SUGCT: variants seen among roughly 807,000 people sequenced by gnomAD.
SUGCT encodes succinyl-CoA:glutarate CoA-transferase.
Under a neutral mutation model 55.0 loss-of-function variants are expected in SUGCT, and 41 were observed. That is an observed-to-expected ratio of 0.74 (90% CI 0.58 to 0.97). The LOEUF is 0.97. Among genes scored for constraint, SUGCT ranks in the 50% least tolerant of loss-of-function variants. The pLI is 0.00. For synonymous variants in SUGCT, 187 were observed against 200.4 expected (o/e 0.93, Z 0.56); for missense variants, 568 against 547.8 (o/e 1.04, Z -0.37).
At chr7:40,979,762 T>TA in the SUGCT span, 2 of 152,152 alleles carry the variant, frequency 1.3e-5, 1 homozygote, top group South Asian at 4.2e-4. Context: ...TCTTATCCAT[T>TA]GGTATAAGGG....
intron 9 of SUGCT, among the ~76,000 whole-genome samples, chr7:40,410,843 T>C (rs1381601442): frequency 6.6e-6 from 1 of 152,190 alleles, no homozygotes; most frequent in Non-Finnish European, 1.5e-5. Flanking sequence ...TGTGAAGTGA[T>C]CTAGGCCAGT....
intron 12 of SUGCT, among the ~76,000 whole-genome samples, chr7:40,651,141 T>C (rs1800756852): frequency 6.6e-6 from 1 of 152,222 alleles, no homozygotes; most frequent in Non-Finnish European, 1.5e-5. Context: ...TTTGGGTTGA[T>C]TTCATGTCTT....
At chr7:40,335,065 A>T (rs1348588835) in intron 9 of SUGCT, among the ~76,000 whole-genome samples, 1 of 151,970 alleles carries the variant, frequency 6.6e-6, no homozygotes, top group Admixed American at 6.6e-5. Flanking sequence ...ATGGTTGTAG[A>T]TGTGTGGTAT....
rs557100731 is a variant in SUGCT, at chr7:40,181,003, G to T, written c.152+5G>T. 2 of 1,601,926 alleles carry T rather than the reference G, an allele frequency of 1.2e-6. No homozygotes were observed. On this transcript the variant is annotated splice_donor_5th_base_variant and intron_variant, in intron 2 of 13. Transcript: ENST00000335693. ...AAAAATTCTGGATCTAACAAGGTTTGTATTGGTTTATCTACATTTTGGTGA... is the reference window on the plus strand; with the variant it reads ...AAAAATTCTGGATCTAACAAGGTTTTTATTGGTTTATCTACATTTTGGTGA...
At chr7:40,302,186 GCCTTTGATATACATTCAACACTCTT>G (rs1440457644) in intron 8 of SUGCT, among the ~76,000 whole-genome samples, 6 of 152,126 alleles carry the variant, frequency 3.9e-5, no homozygotes, top group African/African-American at 1.4e-4. Flanking sequence ...TACTGATAAT[GCCTTTGATATACATTCAACACTCTT>G]CCTTCTAACA....
At chr7:40,950,688 G>A in the SUGCT span, among the ~76,000 whole-genome samples, 2 of 152,234 alleles carry the variant, frequency 1.3e-5, no homozygotes, top group Admixed American at 1.3e-4. Flanking sequence ...TTTCGTCAAA[G>A]GCCTTTTCTG....
chr7:40,420,764 G>T (rs1420944755), intron 9 of SUGCT, among the ~76,000 whole-genome samples: 1 of 151,830 alleles, frequency 6.6e-6, no homozygotes, highest in Non-Finnish European at 1.5e-5. Flanking sequence ...TCACTTGCCT[G>T]GACTACTGTA....
chr7:40,305,718 G>C (rs561359795), intron 8 of SUGCT, among the ~76,000 whole-genome samples: 52 of 152,034 alleles, frequency 3.4e-4, no homozygotes, highest in Non-Finnish European at 6.5e-4. Flanking sequence ...CTGGAGTGCA[G>C]TGGCATGATC....
chr7:40,518,781 A>G (rs185575688), intron 12 of SUGCT, among the ~76,000 whole-genome samples: 164 of 152,190 alleles, frequency 1.1e-3, no homozygotes, highest in Middle Eastern at 3.4e-3. Context: ...AAAAATATAT[A>G]GGAGCTAACC....
At chr7:40,854,514 C>CA (rs1794070833) in intron 13 of SUGCT, among the ~76,000 whole-genome samples, 1 of 135,818 alleles carries the variant, frequency 7.4e-6, no homozygotes, top group Non-Finnish European at 1.6e-5. Context: ...TGTCCATTGG[C>CA]TTCTATATTT....
At chr7:40,959,047 C>G in the SUGCT span, among the ~76,000 whole-genome samples, 50,604 of 152,094 alleles carry the variant, frequency 0.33, 9,150 homozygotes, top group Admixed American at 0.45. Flanking sequence ...AAGCTTCATC[C>G]CAGAGGGGCA....
At chr7:40,154,242 T>C (rs1190329089) in intron 1 of SUGCT, 1 of 158,274 alleles carries the variant, frequency 6.3e-6, no homozygotes, top group Non-Finnish European at 1.4e-5. Context: ...GAGAGCAAAA[T>C]AGTATTTAAA....
intron 12 of SUGCT, among the ~76,000 whole-genome samples, chr7:40,535,984 C>T (rs926892389): frequency 1.3e-5 from 2 of 152,096 alleles, no homozygotes; most frequent in Non-Finnish European, 1.5e-5. Flanking sequence ...GGAAGTGTCT[C>T]TTCATACCTT....
chr7:40,399,806 C>T (rs1785961964), intron 9 of SUGCT, among the ~76,000 whole-genome samples: 3 of 152,194 alleles, frequency 2.0e-5, no homozygotes, highest in Non-Finnish European at 4.4e-5. Flanking sequence ...CACATCACTA[C>T]TTTACTCCTG....
intron 12 of SUGCT, among the ~76,000 whole-genome samples, chr7:40,580,030 A>C (rs1380506544): frequency 6.6e-6 from 1 of 152,220 alleles, no homozygotes; most frequent in African/African-American, 2.4e-5. Flanking sequence ...CTGTGAGGAA[A>C]GAAACCTTAA....
chr7:40,562,450 C>A (rs921480956), intron 12 of SUGCT, among the ~76,000 whole-genome samples: 1 of 151,884 alleles, frequency 6.6e-6, no homozygotes, highest in Non-Finnish European at 1.5e-5. Context: ...CAGTGGGGTT[C>A]GAGACAGGCC....
chr7:40,148,406 A>G (rs933254597), intron 1 of SUGCT, among the ~76,000 whole-genome samples: 3 of 152,220 alleles, frequency 2.0e-5, no homozygotes, highest in African/African-American at 7.2e-5. Context: ...GCACCTTGGG[A>G]GGCTGAGGTG....
chr7:40,343,805 C>T (rs555463247), intron 9 of SUGCT, among the ~76,000 whole-genome samples: 34 of 152,072 alleles, frequency 2.2e-4, no homozygotes, highest in Non-Finnish European at 4.3e-4. Flanking sequence ...TACAGGCACC[C>T]GCCACCACGC....
intron 12 of SUGCT, chr7:40,499,067 G>A (rs1453410254): frequency 2.2e-6 from 1 of 456,546 alleles, no homozygotes; most frequent in Non-Finnish European, 4.4e-6. Flanking sequence ...TTGGCGCTTG[G>A]TGCATGGAAA....
Sources: allele counts gnomAD v4.1 joint callset (sites outside exome capture counted in the v4.1 genomes callset), GRCh38; gene constraint gnomAD v4.1.1; transcripts MANE v1.5; gene names NCBI Gene and HGNC (gene_info 2026-07-23, HGNC 2026-07-21).